Variants in NCK2 observed in about 807,000 individuals in gnomAD.
NCK2 encodes the protein cytoplasmic protein NCK2.
Under a neutral mutation model 33.9 loss-of-function variants are expected in NCK2, and 16 were observed. The ratio of observed to expected loss-of-function variants is 0.47; its 90% CI spans 0.32 to 0.72. The LOEUF is 0.72. Ranked by LOEUF, NCK2 falls within the 30% of genes least tolerant of loss-of-function variation. The probability of loss-of-function intolerance (pLI) is 0.03; values close to 1 mark genes in which losing one functional copy is unlikely to be tolerated. For missense variants in NCK2, 418 were observed against 537.3 expected (o/e 0.78, Z 2.19); for synonymous variants, 273 against 239.9 (o/e 1.14, Z -1.27).
At chr2:105,879,648 G>T (rs909548748) in intron 3 of NCK2, among the ~76,000 whole-genome samples, 1 of 152,246 alleles carries the variant, frequency 6.6e-6, no homozygotes, top group African/African-American at 2.4e-5. Flanking sequence ...AACGTACGTG[G>T]CCTCACATGC....
chr2:105,835,825 C>A (rs895219341), intron 2 of NCK2, among the ~76,000 whole-genome samples: 1 of 151,696 alleles, frequency 6.6e-6, no homozygotes, highest in Non-Finnish European at 1.5e-5. Context: ...CTTTTTTATT[C>A]TTTTTTTCTG....
At chr2:105,863,942 A>G (rs1052637283) in intron 3 of NCK2, among the ~76,000 whole-genome samples, 3 of 152,026 alleles carry the variant, frequency 2.0e-5, no homozygotes, top group African/African-American at 7.2e-5. Context: ...TCATGTGAAG[A>G]ATACTCTGAG....
chr2:105,780,519 A>C (rs1389070040), intron 1 of NCK2, among the ~76,000 whole-genome samples: 1 of 152,158 alleles, frequency 6.6e-6, no homozygotes, highest in African/African-American at 2.4e-5. Flanking sequence ...AGTGATAACC[A>C]CATTTTTGTC....
intron 1 of NCK2, among the ~76,000 whole-genome samples, chr2:105,806,580 C>T (rs1246464863): frequency 6.6e-6 from 1 of 152,128 alleles, no homozygotes; most frequent in African/African-American, 2.4e-5. Flanking sequence ...TAGATTGTTT[C>T]CATATCTTTA....
chr2:105,824,419 C>G (rs1201792064), intron 2 of NCK2, among the ~76,000 whole-genome samples: 1 of 152,158 alleles, frequency 6.6e-6, no homozygotes, highest in Admixed American at 6.5e-5. Context: ...TTGTTGTGTT[C>G]ACAAAGACCA....
At chr2:105,868,674 A>G (rs1027373344) in intron 3 of NCK2, among the ~76,000 whole-genome samples, 6 of 152,228 alleles carry the variant, frequency 3.9e-5, no homozygotes, top group Non-Finnish European at 5.9e-5. Context: ...GTGGTGTCCA[A>G]GAGGACCACT....
At chr2:105,806,487 G>A (rs1056420257) in intron 1 of NCK2, among the ~76,000 whole-genome samples, 16 of 152,048 alleles carry the variant, frequency 1.1e-4, no homozygotes, top group South Asian at 4.1e-4. Context: ...TCCACCCCGC[G>A]TTGGCCTCCC....
At chr2:105,879,547 C>T (rs1000172792) in intron 3 of NCK2, among the ~76,000 whole-genome samples, 1 of 152,282 alleles carries the variant, frequency 6.6e-6, no homozygotes, top group Non-Finnish European at 1.5e-5. Flanking sequence ...TTCTGGCTTA[C>T]TCTTGTGTTT....
chr2:105,846,793 CAT>C (rs1338047941), intron 2 of NCK2: 1 of 152,118 alleles, frequency 6.6e-6, no homozygotes, highest in Non-Finnish European at 1.5e-5. Context: ...CTAGAATTAC[CAT>C]ATGACCCAGC....
At chr2:105,769,989 G>A (rs1002776996) in intron 1 of NCK2, among the ~76,000 whole-genome samples, 2 of 152,110 alleles carry the variant, frequency 1.3e-5, no homozygotes, top group African/African-American at 2.4e-5. Flanking sequence ...TACCCTTGGT[G>A]CCTCCATTTC....
chr2:105,828,530 C>G (rs191390474), intron 2 of NCK2, among the ~76,000 whole-genome samples: 9 of 152,248 alleles, frequency 5.9e-5, no homozygotes, highest in Non-Finnish European at 1.2e-4. Flanking sequence ...GACTTTGTCT[C>G]GACTCTGAAG....
intron 1 of NCK2, among the ~76,000 whole-genome samples, chr2:105,788,740 T>TTC (rs1311178897): frequency 6.6e-6 from 1 of 152,166 alleles, no homozygotes; most frequent in Non-Finnish European, 1.5e-5. Context: ...TTTTTGTTTG[T>TTC]TCTCCTTCAT....
chr2:105,889,972 C>T (rs983709509), intron 4 of NCK2, among the ~76,000 whole-genome samples: 3 of 152,162 alleles, frequency 2.0e-5, no homozygotes, highest in African/African-American at 7.2e-5. Flanking sequence ...TTAACTAGTT[C>T]ATCTTCACAC....
intron 1 of NCK2, among the ~76,000 whole-genome samples, chr2:105,770,094 T>C: frequency 6.8e-6 from 1 of 147,388 alleles, no homozygotes; most frequent in South Asian, 2.1e-4. Context: ...TTTTTGCACT[T>C]AATTTCATGT....
chr2:105,803,591 A>G (rs1674924314), intron 1 of NCK2, among the ~76,000 whole-genome samples: 1 of 152,240 alleles, frequency 6.6e-6, no homozygotes, highest in African/African-American at 2.4e-5. Context: ...AACTGGCATT[A>G]GCATCCAGTT....
At chr2:105,758,985 G>C (rs1432727413) in intron 1 of NCK2, among the ~76,000 whole-genome samples, 1 of 152,140 alleles carries the variant, frequency 6.6e-6, no homozygotes, top group African/African-American at 2.4e-5. Context: ...CTTAGCTTTT[G>C]GTGACATGGA....
At chr2:105,754,080 C>T (rs762514864) in intron 1 of NCK2, among the ~76,000 whole-genome samples, 10 of 152,168 alleles carry the variant, frequency 6.6e-5, no homozygotes, top group Non-Finnish European at 1.0e-4. Context: ...TGAGATAGGA[C>T]GGTGAGTCTG....
intron 1 of NCK2, among the ~76,000 whole-genome samples, chr2:105,815,716 G>C (rs114455235): frequency 1.3e-5 from 2 of 152,190 alleles, no homozygotes; most frequent in East Asian, 3.8e-4. Context: ...TTAGCCCAAG[G>C]CTATGGGTCC....
intron 2 of NCK2, among the ~76,000 whole-genome samples, chr2:105,830,868 G>C (rs1012192608): frequency 6.6e-5 from 10 of 151,990 alleles, no homozygotes; most frequent in Admixed American, 2.6e-4. Context: ...CAGATCCTTT[G>C]ATCATTTTTA....
Sources: allele counts gnomAD v4.1 joint callset (sites outside exome capture counted in the v4.1 genomes callset), GRCh38; gene constraint gnomAD v4.1.1; transcripts MANE v1.5; gene names NCBI Gene and HGNC (gene_info 2026-07-23, HGNC 2026-07-21).